KIF15: variants seen among roughly 807,000 people sequenced by gnomAD.
The protein encoded by KIF15 is kinesin-like protein KIF15.
In KIF15, 140 loss-of-function variants were observed where a neutral mutation model predicts 190.6. The observed-to-expected ratio is 0.73, with a 90% CI of 0.64 to 0.84. KIF15 has a LOEUF of 0.84. Among genes scored for constraint, KIF15 ranks in the 40% least tolerant of loss-of-function variants. The probability of loss-of-function intolerance (pLI) is 0.00; values close to 1 mark genes in which losing one functional copy is unlikely to be tolerated. For missense variants in KIF15, 1,372 were observed against 1,584.4 expected (o/e 0.87, Z 2.28); for synonymous variants, 528 against 551.3 (o/e 0.96, Z 0.59).
intron 19 of KIF15, among the ~76,000 whole-genome samples, chr3:44,813,630 G>GTTTTTTTTT (rs561892613): frequency 8.1e-6 from 1 of 123,064 alleles, no homozygotes; most frequent in Non-Finnish European, 1.7e-5. Flanking sequence ...TGTTTGTTTT[G>GTTTTTTTTT]TTTTTTTTTT....
intron 6 of KIF15, chr3:44,862,390 C>A: frequency 6.5e-6 from 1 of 154,752 alleles, no homozygotes. Flanking sequence ...GAGGCCTCTT[C>A]CCTTACCAGG....
intron 5 of KIF15, among the ~76,000 whole-genome samples, chr3:44,783,415 C>A (rs1250127703): frequency 6.6e-6 from 1 of 152,086 alleles, no homozygotes; most frequent in African/African-American, 2.4e-5. Context: ...CTCTCTCCAA[C>A]AACTAGTTCT....
rs60621752 is a variant in KIF15, at chr3:44,840,655, A to ATTTTTTT, written c.3420+222_3420+228dup. Among the ~76,000 whole-genome samples, 58 of 67,078 alleles carry ATTTTTTT rather than the reference A, an allele frequency of 8.6e-4. 2 individuals carry two copies. The highest frequency in any genetic ancestry group is 1.3e-3 in the African/African-American group (24 of 19,032). 44.0% of individuals were successfully genotyped at this position (67,078 alleles called of 152,430 possible). ...ATTAGAATAATAAGCTAAGCAGCGG[A>ATTTTTTT]TTTTTTTTTTTTTTTTTTTTTTTTT... On this transcript the variant is annotated intron_variant, in intron 28 of 34. Coordinates refer to ENST00000326047, the MANE Select transcript of KIF15 (RefSeq NM_020242.3).
chr3:44,864,418 T>C, intron 6 of KIF15: 1 of 1,583,224 alleles, frequency 6.3e-7, no homozygotes, highest in South Asian at 1.1e-5. Context: ...TAACCCCTCC[T>C]TTCCCAGACA....
chr3:44,794,200 G>A lies in KIF15; in HGVS notation c.640-17G>A. 1.2e-6 allele frequency: 2 copies of A among 1,600,774 alleles called. No homozygotes were observed. Among genetic ancestry groups the A allele is most frequent in the Non-Finnish European group, 1.7e-6 (2 of 1,171,518 alleles). On this transcript the variant is annotated splice_polypyrimidine_tract_variant and intron_variant, in intron 7 of 34. Coordinates refer to ENST00000326047, the MANE Select transcript of KIF15 (RefSeq NM_020242.3). ...CTGGTCCTCTCATTTCTTTTAATAT[G>A]TTTTCCTTTTGCATAGGTGTTGTCT...
chr3:44,789,412 G>A lies in KIF15; in HGVS notation c.639+2838G>A, dbSNP rs189715862. 1.8e-3 allele frequency among the ~76,000 whole-genome samples: 279 copies of A among 151,546 alleles called. 10 individuals are homozygous for A. Among genetic ancestry groups the A allele is most frequent in the Admixed American group, 0.018 (278 of 15,224 alleles). On this transcript the variant is annotated intron_variant, in intron 7 of 34. Transcript: ENST00000326047. ...CAATTGCATTGGGATCGAAGAATGT[G>A]GTCTTATGTGACATCTAGTCTTTGA...
intron 16 of KIF15, 49 bp downstream of exon 16, chr3:44,806,035 T>G (rs775468514): frequency 1.3e-6 from 2 of 1,581,546 alleles, no homozygotes; most frequent in East Asian, 4.5e-5. Flanking sequence ...CAATGTCATT[T>G]TATTAATAAT....
At position 44,775,373 on chromosome 3, in the gene KIF15, T is replaced by A. The variant is rs892918535; in HGVS notation, c.182T>A (p.Leu61Gln). The change falls in exon 3 of 35, where the codon CTG becomes CAG. Residue 61 changes from leucine (L) to glutamine (Q), a missense_variant. Physicochemically the swap from Leu to Gln is moderately radical, Grantham distance 113. Coordinates refer to ENST00000326047, the MANE Select transcript of KIF15 (RefSeq NM_020242.3). The stretch of plus-strand genomic sequence containing the variant: ...GTGCTGTCCTCCACGAGTCTCCGGC[T>A]GCACTCCAACCCTGAGCCCAAGACC... ...LSVLSSTSLR[L>Q]HSNPEPKTFT... 2.5e-6 allele frequency: 4 copies of A among 1,613,956 alleles called. No individual in the cohort carries two copies. The highest frequency in any genetic ancestry group is 2.7e-5 in the African/African-American group (2 of 74,916).
chr3:44,837,902 G>A (rs1698404841), intron 26 of KIF15, among the ~76,000 whole-genome samples: 1 of 152,086 alleles, frequency 6.6e-6, no homozygotes, highest in Non-Finnish European at 1.5e-5. Flanking sequence ...TTACTTTCCA[G>A]TATATAAAGG....
intron 4 of KIF15, 66 bp downstream of exon 4, chr3:44,778,257 C>G (rs1705991133): frequency 5.8e-6 from 7 of 1,217,388 alleles, no homozygotes; most frequent in Admixed American, 5.1e-5. Context: ...GCTGTTGTAA[C>G]AAATTACCAC....
intron 10 of KIF15, among the ~76,000 whole-genome samples, chr3:44,798,362 T>G (rs1575606873): frequency 6.6e-6 from 1 of 150,918 alleles, no homozygotes; most frequent in African/African-American, 2.4e-5. Flanking sequence ...ATTTTATTTA[T>G]TTTTTATTTA....
intron 16 of KIF15, among the ~76,000 whole-genome samples, chr3:44,807,254 T>C (rs1707548006): frequency 6.6e-6 from 1 of 152,044 alleles, no homozygotes. Context: ...GACGGAGTTT[T>C]GCTCTTGTTG....
At chr3:44,854,080 G>A (rs963365903), downstream of KIF15, among the ~76,000 whole-genome samples, 1 of 152,096 alleles carries the variant, frequency 6.6e-6, no homozygotes, top group Non-Finnish European at 1.5e-5. Flanking sequence ...ACAACTCTAT[G>A]TTTACTAAAA....
chr3:44,792,456 A>T (rs1706752477), intron 7 of KIF15, among the ~76,000 whole-genome samples: 1 of 152,110 alleles, frequency 6.6e-6, no homozygotes, highest in Admixed American at 6.5e-5. Context: ...CCTGGGTAAC[A>T]AAGTGAGACT....
chr3:44,817,967 A>T (rs1708100872), intron 20 of KIF15, among the ~76,000 whole-genome samples: 1 of 152,232 alleles, frequency 6.6e-6, no homozygotes, highest in African/African-American at 2.4e-5. Context: ...CATCCCTTGT[A>T]AGTTGGATTC....
At chr3:44,779,009 A>G (rs1706038420) in intron 4 of KIF15, among the ~76,000 whole-genome samples, 1 of 151,584 alleles carries the variant, frequency 6.6e-6, no homozygotes, top group Non-Finnish European at 1.5e-5. Context: ...AAACCAAAAC[A>G]AAAAAGAAAG....
chr3:44,848,010 C>T lies in KIF15; in HGVS notation c.3721C>T (p.Gln1241Ter), dbSNP rs1698925682. ...NSDQNHPDNQ[Q>*]LKNEQEESIK... ...TGATCAGAATCATCCAGATAATCAA[C>T]AGCTGAAGAATGAACAAGAAGAAAG... Residue 1241 changes from glutamine to a stop codon, truncating the protein, a stop_gained, in exon 31 of 35, where the codon CAG becomes TAG. Transcript: ENST00000326047. LOFTEE classifies it high-confidence loss of function. The T allele has an allele frequency of 6.2e-7, 1 of 1,611,576 alleles. No homozygotes were observed. Among genetic ancestry groups the T allele is most frequent in the South Asian group, 1.1e-5 (1 of 90,418 alleles).
At chr3:44,847,103 A>G (rs1698882053) in intron 30 of KIF15, among the ~76,000 whole-genome samples, 1 of 152,220 alleles carries the variant, frequency 6.6e-6, no homozygotes, top group South Asian at 2.1e-4. Flanking sequence ...GACAGAAAAC[A>G]TATCTTTCCC....
chr3:44,817,355 A>G (rs998980460), intron 20 of KIF15, among the ~76,000 whole-genome samples: 2 of 152,172 alleles, frequency 1.3e-5, no homozygotes, highest in African/African-American at 2.4e-5. Context: ...GTTTTCTTCT[A>G]GGGTTTTTAT....
Sources: allele counts gnomAD v4.1 joint callset (sites outside exome capture counted in the v4.1 genomes callset), GRCh38; gene constraint gnomAD v4.1.1; transcripts MANE v1.5; gene names NCBI Gene and HGNC (gene_info 2026-07-23, HGNC 2026-07-21).